TRERF1: variants seen among roughly 807,000 people sequenced by gnomAD.
The protein encoded by TRERF1 is transcriptional regulating factor 1, also known as transcriptional-regulating factor 1.
TRERF1 carries 27 observed loss-of-function variants against 122.9 expected under a neutral mutation model. The observed-to-expected ratio is 0.22, with a 90% CI of 0.16 to 0.30. TRERF1 has a LOEUF of 0.30. TRERF1 is among the 10% of genes least tolerant of loss of function. TRERF1 has a pLI of 1.00. For synonymous variants in TRERF1, 636 were observed against 641.7 expected (o/e 0.99, Z 0.13); for missense variants, 1,248 against 1,560.3 (o/e 0.80, Z 3.37).
intron 3 of TRERF1, among the ~76,000 whole-genome samples, chr6:42,350,983 C>A (rs1189191148): frequency 6.6e-6 from 1 of 151,652 alleles, no homozygotes; most frequent in Non-Finnish European, 1.5e-5. Context: ...TCACTCTCTC[C>A]CTCTCTCTCA....
intron 3 of TRERF1, among the ~76,000 whole-genome samples, chr6:42,361,194 C>A (rs1771685474): frequency 1.3e-5 from 2 of 152,182 alleles, no homozygotes; most frequent in Admixed American, 1.3e-4. Context: ...CGTAAGGACA[C>A]AAGAAGTTGT....
At chr6:42,257,180 G>C in intron 10 of TRERF1, 78 bp from the exon 11 acceptor site, 1 of 1,525,454 alleles carries the variant, frequency 6.6e-7, no homozygotes, top group South Asian at 1.2e-5. Context: ...TCAGGAACTT[G>C]AAAAAGAAGG....
chr6:42,362,644 G>A (rs1303147558), intron 3 of TRERF1, among the ~76,000 whole-genome samples: 1 of 152,180 alleles, frequency 6.6e-6, no homozygotes, highest in African/African-American at 2.4e-5. Flanking sequence ...GCTCTGTGGA[G>A]CTTCCCACAG....
intron 16 of TRERF1, among the ~76,000 whole-genome samples, chr6:42,235,936 C>G (rs915436658): frequency 6.6e-6 from 1 of 152,140 alleles, no homozygotes; most frequent in Non-Finnish European, 1.5e-5. Context: ...TTGGAGGCCA[C>G]GCTCACTGCA....
intron 3 of TRERF1, among the ~76,000 whole-genome samples, chr6:42,329,342 C>T (rs145143301): frequency 6.6e-6 from 1 of 151,998 alleles, no homozygotes; most frequent in Non-Finnish European, 1.5e-5. Flanking sequence ...CCCCATCATG[C>T]CCCCTCCTGA....
At chr6:42,432,428 C>T (rs1784627262) in intron 2 of TRERF1, among the ~76,000 whole-genome samples, 1 of 152,146 alleles carries the variant, frequency 6.6e-6, no homozygotes, top group Non-Finnish European at 1.5e-5. Flanking sequence ...TATACAAAGA[C>T]ATTTGTGGCG....
At chr6:42,434,675 C>G (rs452505) in intron 2 of TRERF1, among the ~76,000 whole-genome samples, 1,357 of 18,176 alleles carry the variant, frequency 0.075, 14 homozygotes, top group Middle Eastern at 0.17. Context: ...CCACCACACA[C>G]ACACACACAC....
intron 2 of TRERF1, among the ~76,000 whole-genome samples, chr6:42,419,406 G>A (rs1424910247): frequency 6.6e-6 from 1 of 151,842 alleles, no homozygotes; most frequent in East Asian, 1.9e-4. Context: ...TGTGTTTCAA[G>A]CGCATGCCTG....
chr6:42,403,135 G>A (rs1037071827), intron 2 of TRERF1, among the ~76,000 whole-genome samples: 12 of 152,118 alleles, frequency 7.9e-5, no homozygotes, highest in African/African-American at 2.7e-4. Context: ...GCAAACCTCA[G>A]CTGGGGTAGA....
At chr6:42,332,730 G>A (rs942689712) in intron 3 of TRERF1, among the ~76,000 whole-genome samples, 2 of 152,184 alleles carry the variant, frequency 1.3e-5, no homozygotes, top group African/African-American at 4.8e-5. Context: ...GTTTCTTTGG[G>A]ACAGTCAGTA....
intron 2 of TRERF1, among the ~76,000 whole-genome samples, chr6:42,383,956 C>G (rs566299114): frequency 6.6e-6 from 1 of 151,984 alleles, no homozygotes; most frequent in East Asian, 1.9e-4. Context: ...TGATAACTTA[C>G]TGGTAACTCA....
chr6:42,328,129 T>G (rs771524530), intron 3 of TRERF1, among the ~76,000 whole-genome samples: 1 of 150,572 alleles, frequency 6.6e-6, no homozygotes, highest in Non-Finnish European at 1.5e-5. Flanking sequence ...TGCCTCAGCC[T>G]CCTGAGTAGC....
chr6:42,255,799 G>A (rs565517274), intron 12 of TRERF1, among the ~76,000 whole-genome samples: 3 of 152,234 alleles, frequency 2.0e-5, no homozygotes, highest in African/African-American at 7.2e-5. Flanking sequence ...TTTATATAAA[G>A]GGGAAACAGA....
intron 4 of TRERF1, among the ~76,000 whole-genome samples, chr6:42,277,972 GAA>G (rs1358749904): frequency 2.1e-4 from 30 of 144,932 alleles, no homozygotes; most frequent in Non-Finnish European, 4.2e-4. Flanking sequence ...AGAAGAAGAA[GAA>G]GACTGCAATA....
At position 42,410,240 on chromosome 6, in the gene TRERF1, A is replaced by C. The variant is rs140596600; in HGVS notation, c.-454+40937T>G. Reference sequence around the variant, plus strand: ...CACAGAGTCTCAGCCTCTGGGGCTCAAGCAATCCTCCCACCATGCGATTCC... The same window carrying C: ...CACAGAGTCTCAGCCTCTGGGGCTCCAGCAATCCTCCCACCATGCGATTCC... On this transcript the variant is annotated intron_variant, in intron 2 of 17. Coordinates refer to ENST00000372922, the Ensembl canonical transcript of TRERF1. Among the ~76,000 whole-genome samples, 44 of 152,224 alleles carry C rather than the reference A, an allele frequency of 2.9e-4. No homozygotes were observed. In the East Asian group the frequency reaches 7.5e-3, roughly 26 times the overall value.
rs1770807734 is a variant in TRERF1 at position 42,232,647 on chromosome 6, A to T, written c.3278+34T>A. The T allele has an allele frequency of 6.5e-7, 1 of 1,545,446 alleles. No homozygotes were observed. Among genetic ancestry groups the T allele is most frequent in the Admixed American group, 1.9e-5 (1 of 53,816 alleles). ...TCCCATAGAGCGACTACCCATCATG[A>T]ACTCAGATTCAGTCCCCGGTCCCCT... is the stretch of plus-strand genomic sequence containing the variant. On this transcript the variant is annotated intron_variant, in intron 17 of 17. Transcript: ENST00000372922. The surrounding 1 kb of genome is among the most constrained non-coding windows in gnomAD (Gnocchi z 4.5).
intron 3 of TRERF1, among the ~76,000 whole-genome samples, chr6:42,329,850 C>T (rs1223681236): frequency 4.0e-5 from 6 of 151,796 alleles, no homozygotes; most frequent in Middle Eastern, 3.4e-3. Context: ...ATTAGCCGGG[C>T]GTGGTGGGGG....
intron 15 of TRERF1, among the ~76,000 whole-genome samples, chr6:42,240,207 A>G (rs58908974): frequency 0.075 from 11,423 of 152,292 alleles, 482 homozygotes; most frequent in Middle Eastern, 0.11. Flanking sequence ...TATGAATCAG[A>G]GCAACTCCTA....
intron 4 of TRERF1, among the ~76,000 whole-genome samples, chr6:42,287,904 A>G (rs35632969): frequency 0.027 from 4,144 of 152,062 alleles, 55 homozygotes; most frequent in Non-Finnish European, 0.037. Context: ...AAGCCCTCAC[A>G]ATCTGGTCTC....
Sources: gnomAD v4.1 joint callset for allele counts (sites outside exome capture counted in the v4.1 genomes callset) on GRCh38, gnomAD v4.1.1 for gene constraint, Gnocchi (gnomAD v3.1) non-coding constraint, MANE v1.5 for transcripts, NCBI Gene and HGNC (gene_info 2026-07-23, HGNC 2026-07-21) for gene names.